DOCK6: variants seen among roughly 807,000 people sequenced by gnomAD.
DOCK6 encodes dedicator of cytokinesis protein 6.
A neutral mutation model predicts 230.3 loss-of-function variants in DOCK6; 167 were observed. The ratio of observed to expected loss-of-function variants is 0.73; its 90% CI spans 0.64 to 0.82. DOCK6 has a LOEUF of 0.82. Ranked by LOEUF, DOCK6 falls within the 40% of genes least tolerant of loss-of-function variation. The pLI, the probability that DOCK6 is intolerant of heterozygous loss-of-function variation, is 0.00. For synonymous variants in DOCK6, 1,148 were observed against 1,185.0 expected (o/e 0.97, Z 0.64); for missense variants, 2,598 against 2,825.8 (o/e 0.92, Z 1.83).
intron 9 of DOCK6, among the ~76,000 whole-genome samples, chr19:11,245,306 T>C (rs1365610664): frequency 6.6e-6 from 1 of 152,172 alleles, no homozygotes; most frequent in Non-Finnish European, 1.5e-5. Flanking sequence ...GACCCCAGCC[T>C]GTCACATGTG....
At chr19:11,232,098 CT>C (rs2079773939) in intron 22 of DOCK6, 3 of 1,037,590 alleles carry the variant, frequency 2.9e-6, no homozygotes, top group Admixed American at 2.6e-5. Context: ...GGCAGCCCCC[CT>C]AGGTTAGTCA....
In DOCK6 at chr19:11,243,290, C is replaced by T. The variant is rs751163787; in HGVS notation, c.1354G>A (p.Ala452Thr). The T allele has an allele frequency of 6.2e-7, 1 of 1,606,616 alleles. No individual in the cohort carries two copies. The highest frequency in any genetic ancestry group is 1.3e-5 in the African/African-American group (1 of 74,946). Residue 452 changes from alanine (A) to threonine (T), a missense_variant, in exon 12 of 48, where the codon GCC becomes ACC. Physicochemically the swap from Ala to Thr is moderately conservative, Grantham distance 58 (BLOSUM62 0). Coordinates refer to ENST00000294618, the MANE Select transcript of DOCK6 (RefSeq NM_020812.4). This position sits in a 1 kb window ranked among gnomAD's most constrained non-coding sequence, Gnocchi z 6.3. ...AAGAAGTTTGTGACAGTTAGCGTGG[C>T]TGGACGGAAGCCAGAGAAGCTGCAG... ...DACSFSGFRP[A>T]TLTVTNFFKQ...
At chr19:11,208,457 T>C in intron 39 of DOCK6, 1 of 447,280 alleles carries the variant, frequency 2.2e-6, no homozygotes, top group Non-Finnish European at 3.9e-6. Context: ...ATTTTTGTAT[T>C]TTTAGTAGAG....
chr19:11,239,624 T>C (rs1395964815), intron 14 of DOCK6: 2 of 1,613,664 alleles, frequency 1.2e-6, no homozygotes, highest in Non-Finnish European at 1.7e-6. Flanking sequence ...TGGCTATACC[T>C]TAGACCCTCA....
chr19:11,209,844 CACCTGTCCATCCCT>C, intron 37 of DOCK6, among the ~76,000 whole-genome samples: 1 of 97,176 alleles, frequency 1.0e-5, no homozygotes. Flanking sequence ...TCCACCCCCT[CACCTGTCCATCCCT>C]TCACCTGTCT....
Position 11,215,502 on chromosome 19 carries a change from C to T in DOCK6, c.4022-31G>A, listed in dbSNP as rs761331145. 19 of 1,584,198 alleles carry T rather than the reference C, an allele frequency of 1.2e-5. No homozygotes were observed. In the Middle Eastern group the frequency reaches 6.6e-4, roughly 55 times the overall value. On this transcript the variant is annotated intron_variant, in intron 31 of 47. Transcript: ENST00000294618. ...ACGCGTGGGTGCACGATCACAGATG[C>T]GTAAAAACACAGGGCACACGTGAAC...
chr19:11,226,440 C>T (rs1487553516), intron 24 of DOCK6, among the ~76,000 whole-genome samples: 2 of 152,184 alleles, frequency 1.3e-5, no homozygotes, highest in Non-Finnish European at 2.9e-5. Context: ...GGGCAGATCA[C>T]CTGAGGTTAG....
At chr19:11,232,244 C>A in intron 22 of DOCK6, 1 of 1,289,690 alleles carries the variant, frequency 7.8e-7, no homozygotes, top group Non-Finnish European at 1.0e-6. Context: ...TTACTGCCTC[C>A]TGGAGCATAA....
intron 1 of DOCK6, among the ~76,000 whole-genome samples, chr19:11,260,882 C>CAAAAAAAAA (rs59900669): frequency 1.6e-4 from 10 of 61,766 alleles, no homozygotes; most frequent in South Asian, 8.6e-4. Flanking sequence ...GACTCTGTCT[C>CAAAAAAAAA]AAAAAAAAAA....
intron 5 of DOCK6, 55 bp from the exon 6 acceptor site, chr19:11,251,141 ACTCT>A: frequency 6.6e-7 from 1 of 1,515,770 alleles, no homozygotes; most frequent in Non-Finnish European, 9.0e-7. Flanking sequence ...CCTTCACCTC[ACTCT>A]GGTGAGAGTG....
At chr19:11,249,149 A>G (rs2080079133) in intron 6 of DOCK6, among the ~76,000 whole-genome samples, 1 of 152,214 alleles carries the variant, frequency 6.6e-6, no homozygotes, top group African/African-American at 2.4e-5. Flanking sequence ...GTAGGCATTC[A>G]TGTATTGAAT....
rs1035639211 is a variant in DOCK6, at chr19:11,245,872, C to G, written c.813G>C (p.Glu271Asp). The change falls in exon 8 of 48, where the codon GAG becomes GAC. Residue 271 changes from glutamate (E) to aspartate (D), a missense_variant. By Grantham distance (45) the Glu-to-Asp change is conservative. Coordinates refer to ENST00000294618, the MANE Select transcript of DOCK6 (RefSeq NM_020812.4). Reference protein sequence around the residue: ...ILVKCLSLKFEIEIEPIFGIL... With the variant: ...ILVKCLSLKFDIEIEPIFGIL... ...TCCCAAAGATGGGCTCAATTTCAAT[C>G]TCGAACCTACAAGTAAATGGGAGGG... 4 of 1,562,514 alleles carry G rather than the reference C, an allele frequency of 2.6e-6. No individual in the cohort carries two copies. In the East Asian group the frequency reaches 9.5e-5, roughly 37 times the overall value.
intron 37 of DOCK6, among the ~76,000 whole-genome samples, chr19:11,211,139 T>C (rs780614180): frequency 6.6e-6 from 1 of 150,820 alleles, no homozygotes; most frequent in African/African-American, 2.5e-5. Context: ...CTCACCTGTC[T>C]ATCCCTTCAC....
intron 39 of DOCK6, 105 bp downstream of exon 39, chr19:11,208,581 T>TG: frequency 6.8e-7 from 1 of 1,472,584 alleles, no homozygotes; most frequent in Non-Finnish European, 9.0e-7. Context: ...GCCCAGCCTA[T>TG]TCTCCTTCTT....
At chr19:11,232,713 G>A (rs971272430) in intron 22 of DOCK6, among the ~76,000 whole-genome samples, 1 of 151,986 alleles carries the variant, frequency 6.6e-6, no homozygotes, top group Non-Finnish European at 1.5e-5. Flanking sequence ...ACACATGCAT[G>A]GGGTGAACAC....
At chr19:11,207,076 G>A (rs1039265103) in intron 39 of DOCK6, among the ~76,000 whole-genome samples, 10 of 152,140 alleles carry the variant, frequency 6.6e-5, no homozygotes, top group Middle Eastern at 3.4e-3. Context: ...CTCGTGATCC[G>A]CCTGCCTTGG....
rs774091178 is a variant in DOCK6, at chr19:11,236,514, G to A, written c.2224C>T (p.Arg742Trp). 3.6e-5 allele frequency: 58 copies of A among 1,604,112 alleles called. No individual in the cohort carries two copies. Among genetic ancestry groups the A allele is most frequent in the Middle Eastern group, 1.7e-4 (1 of 6,038 alleles). ...HVLEEGAFPF[R>W]LKDTVLSEGN... ...TCGCTCAGCACAGTGTCCTTGAGCCGGAATGGGAAGGCTCCCTCCTCCAGG... is the reference window on the plus strand; with the variant it reads ...TCGCTCAGCACAGTGTCCTTGAGCCAGAATGGGAAGGCTCCCTCCTCCAGG... Residue 742 changes from arginine (R) to tryptophan (W), a missense_variant, in exon 20 of 48, where the codon CGG (arginine) becomes TGG (tryptophan). Transcript: ENST00000294618. This position sits in a 1 kb window ranked among gnomAD's most constrained non-coding sequence, Gnocchi z 5.2.
chr19:11,256,419 T>C (rs1434076814), intron 1 of DOCK6, among the ~76,000 whole-genome samples: 1 of 151,782 alleles, frequency 6.6e-6, no homozygotes, highest in Non-Finnish European at 1.5e-5. Flanking sequence ...AAACGCCGGG[T>C]CTGCAACACC....
intron 39 of DOCK6, among the ~76,000 whole-genome samples, chr19:11,205,219 C>CT (rs955665253): frequency 4.6e-5 from 7 of 152,034 alleles, no homozygotes; most frequent in Non-Finnish European, 8.8e-5. Context: ...TTTTCGTAAT[C>CT]TTTTTTTTAA....
Sources: allele counts gnomAD v4.1 joint callset (sites outside exome capture counted in the v4.1 genomes callset), GRCh38; gene constraint gnomAD v4.1.1; non-coding constraint Gnocchi (gnomAD v3.1); transcripts MANE v1.5; gene names NCBI Gene and HGNC (gene_info 2026-07-23, HGNC 2026-07-21).